Variants in MLLT10 observed in about 807,000 individuals in gnomAD.
The protein encoded by MLLT10 is protein AF-10.
In MLLT10, 30 loss-of-function variants were observed where a neutral mutation model predicts 129.1. That is an observed-to-expected ratio of 0.23 (90% confidence interval 0.17 to 0.32). MLLT10 has a LOEUF of 0.32. MLLT10 is among the 10% of genes least tolerant of loss of function. The probability of loss-of-function intolerance (pLI) is 1.00; values close to 1 mark genes in which losing one functional copy is unlikely to be tolerated. For missense variants in MLLT10, 1,119 were observed against 1,268.3 expected, an observed-to-expected ratio of 0.88 and a Z score of 1.79; for synonymous variants, 490 against 446.4, an observed-to-expected ratio of 1.10 and a Z score of -1.23.
intron 13 of MLLT10, among the ~76,000 whole-genome samples, chr10:21,694,516 A>G (rs1036238976): frequency 3.9e-5 from 6 of 152,190 alleles, no homozygotes; most frequent in African/African-American, 1.4e-4. Flanking sequence ...ATTCCCCATC[A>G]GATTTTCAGT....
intron 3 of MLLT10, among the ~76,000 whole-genome samples, chr10:21,581,039 A>G (rs1415553121): frequency 1.4e-5 from 2 of 146,224 alleles, no homozygotes; most frequent in Admixed American, 1.4e-4. Flanking sequence ...TTTAATGTTC[A>G]GTGAATTTTT....
chr10:21,705,386 T>TGAG (rs2055393855), intron 13 of MLLT10, among the ~76,000 whole-genome samples: 1 of 152,148 alleles, frequency 6.6e-6, no homozygotes. Context: ...TGGCATGGGC[T>TGAG]GAGGGTGGGG....
Position 21,735,156 on chromosome 10 carries a change from T to C in MLLT10, c.2876T>C (p.Leu959Ser), listed in dbSNP as rs2058260427. Residue 959 changes from leucine (L) to serine (S), a missense_variant, in exon 21 of 23, where the codon TTA becomes TCA. This residue lies in a region of MLLT10 where 1,004 missense variants were observed against 1,008.7 expected (regional missense o/e 1.00). Coordinates refer to ENST00000307729, the MANE Select transcript of MLLT10 (RefSeq NM_001195626.3). Reference sequence around the variant, plus strand: ...TTTTTCAGTGCCTCAGGACTAGGATTACTTTCTGACCAGCAACGACAAATA... The same window carrying C: ...TTTTTCAGTGCCTCAGGACTAGGATCACTTTCTGACCAGCAACGACAAATA... ...TLTNSASGLGLLSDQQRQILI... is the reference protein window; with the variant it reads ...TLTNSASGLGSLSDQQRQILI... 1 of 1,613,798 alleles carries C rather than the reference T, an allele frequency of 6.2e-7. No homozygotes were observed. Among genetic ancestry groups the C allele is most frequent in the Admixed American group, 1.7e-5 (1 of 59,970 alleles).
chr10:21,669,784 CTTTT>C (rs1310156035), intron 9 of MLLT10, among the ~76,000 whole-genome samples: 1 of 152,136 alleles, frequency 6.6e-6, no homozygotes, highest in Non-Finnish European at 1.5e-5. Context: ...AAGTCTTCAT[CTTTT>C]TACCTTAACA....
chr10:21,613,192 CAAAAA>C (rs993493277), intron 6 of MLLT10, among the ~76,000 whole-genome samples: 3 of 24,642 alleles, frequency 1.2e-4, no homozygotes, highest in African/African-American at 2.8e-4. Context: ...GACTCTGTCT[CAAAAA>C]AAAAAAAAAA....
chr10:21,566,014 A>G (rs2039510353), intron 3 of MLLT10, among the ~76,000 whole-genome samples: 2 of 118,976 alleles, frequency 1.7e-5, no homozygotes, highest in South Asian at 5.4e-4. Flanking sequence ...GTGCAGTGGT[A>G]TGATCTCGGC....
intron 8 of MLLT10, among the ~76,000 whole-genome samples, chr10:21,630,777 T>C (rs2046922481): frequency 6.6e-6 from 1 of 152,218 alleles, no homozygotes; most frequent in South Asian, 2.1e-4. Flanking sequence ...CTTGTCACTT[T>C]ACAAGTACAG....
intron 5 of MLLT10, among the ~76,000 whole-genome samples, chr10:21,601,897 T>A (rs1167190862): frequency 1.3e-5 from 2 of 152,164 alleles, no homozygotes; most frequent in African/African-American, 4.8e-5. Context: ...TGGAGTACTC[T>A]AGATGATAGG....
At chr10:21,738,669 T>G in intron 21 of MLLT10, 1 of 667,884 alleles carries the variant, frequency 1.5e-6, no homozygotes, top group Non-Finnish European at 1.9e-6. Context: ...CCCTTCTCAT[T>G]CTTCATCTTA....
chr10:21,724,797 C>T (rs914151092), intron 14 of MLLT10, among the ~76,000 whole-genome samples: 13 of 152,286 alleles, frequency 8.5e-5, no homozygotes, highest in African/African-American at 1.9e-4. Context: ...CAGTGGATTA[C>T]GCAATACTTT....
In MLLT10 at chr10:21,727,805, C is replaced by G. The variant is rs553381925; in HGVS notation, c.1991-51C>G. Reference sequence around the variant, plus strand: ...AAAAATCAGGGCAAGAGTTTAAAACCTCTTATCTAGTGAGAGTCACTTTAT... The same window carrying G: ...AAAAATCAGGGCAAGAGTTTAAAACGTCTTATCTAGTGAGAGTCACTTTAT... On this transcript the variant is annotated intron_variant, in intron 15 of 22. Coordinates refer to ENST00000307729, the MANE Select transcript of MLLT10 (RefSeq NM_001195626.3). 15 of 1,448,746 alleles carry G rather than the reference C, an allele frequency of 1.0e-5. No homozygotes were observed. In the East Asian group the frequency reaches 2.7e-4, roughly 26 times the overall value. 89.7% of individuals were successfully genotyped at this position (1,448,746 alleles called of 1,614,324 possible).
intron 21 of MLLT10, chr10:21,738,435 G>C: frequency 7.8e-7 from 1 of 1,289,018 alleles, no homozygotes; most frequent in Non-Finnish European, 1.0e-6. Flanking sequence ...CCAGAACATG[G>C]TTAAGGAATT....
intron 3 of MLLT10, among the ~76,000 whole-genome samples, chr10:21,569,193 GT>G (rs1457730304): frequency 3.3e-5 from 5 of 151,252 alleles, no homozygotes; most frequent in Admixed American, 6.6e-5. Flanking sequence ...GGTCAGTTTG[GT>G]TAATGGTGTT....
chr10:21,642,434 A>G (rs1302129829), intron 8 of MLLT10, among the ~76,000 whole-genome samples: 1 of 152,200 alleles, frequency 6.6e-6, no homozygotes, highest in Non-Finnish European at 1.5e-5. Context: ...AGGCGGGCAG[A>G]TTACCTGTGG....
At chr10:21,613,626 G>A (rs966458373) in intron 6 of MLLT10, among the ~76,000 whole-genome samples, 3 of 151,078 alleles carry the variant, frequency 2.0e-5, no homozygotes, top group Non-Finnish European at 2.9e-5. Context: ...AATATGCTAG[G>A]CACTGTGGCT....
Position 21,666,670 on chromosome 10 carries a change from A to T in MLLT10, c.796-3779A>T, listed in dbSNP as rs187256707. 1.3e-3 allele frequency among the ~76,000 whole-genome samples: 192 copies of T among 152,026 alleles called. 1 individual carries two copies. The highest frequency in any genetic ancestry group is 3.4e-3 in the Middle Eastern group (1 of 294). On this transcript the variant is annotated intron_variant, in intron 9 of 22. Coordinates refer to ENST00000307729, the MANE Select transcript of MLLT10 (RefSeq NM_001195626.3). Reference sequence around the variant, plus strand: ...GAGCAAGACTCTGTCTCAAAAAAAAAAAATAAATAAAAAAGTAAAATAATG... The same window carrying T: ...GAGCAAGACTCTGTCTCAAAAAAAATAAATAAATAAAAAAGTAAAATAATG...
At chr10:21,602,167 T>G (rs1299580179) in intron 5 of MLLT10, among the ~76,000 whole-genome samples, 7 of 152,114 alleles carry the variant, frequency 4.6e-5, no homozygotes, top group Admixed American at 4.6e-4. Context: ...ACCATTCCAT[T>G]ATTAGAAATT....
At chr10:21,660,082 G>A (rs2050011235) in intron 9 of MLLT10, among the ~76,000 whole-genome samples, 1 of 151,852 alleles carries the variant, frequency 6.6e-6, no homozygotes, top group Non-Finnish European at 1.5e-5. Context: ...TCCCACCTCA[G>A]CCTCCTGATC....
chr10:21,612,067 C>A (rs2044713386), intron 5 of MLLT10, among the ~76,000 whole-genome samples: 1 of 152,150 alleles, frequency 6.6e-6, no homozygotes, highest in Non-Finnish European at 1.5e-5. Flanking sequence ...GGCCCGCCAG[C>A]CTCAGTGCCT....
Sources: gnomAD v4.1 joint callset for allele counts (sites outside exome capture counted in the v4.1 genomes callset) on GRCh38, gnomAD v4.1.1 for gene constraint, gnomAD v4.1.1 regional missense constraint, MANE v1.5 for transcripts, NCBI Gene and HGNC (gene_info 2026-07-23, HGNC 2026-07-21) for gene names.